Variants in TMEM132D observed in about 807,000 individuals in gnomAD.
TMEM132D encodes the protein mature OL transmembrane protein.
In TMEM132D, 21 loss-of-function variants were observed where a neutral mutation model predicts 62.3. The ratio of observed to expected loss-of-function variants is 0.34; its 90% CI spans 0.24 to 0.49. The LOEUF is 0.49. Among genes scored for constraint, TMEM132D ranks in the 20% least tolerant of loss-of-function variants. The pLI, the probability that TMEM132D is intolerant of heterozygous loss-of-function variation, is 0.99. For missense variants in TMEM132D, 1,346 were observed against 1,402.8 expected (o/e 0.96, Z 0.65); for synonymous variants, 621 against 575.6 (o/e 1.08, Z -1.13).
In TMEM132D at chr12:129,084,671, T is replaced by C. The variant is rs1254791418; in HGVS notation, c.1475A>G (p.Asn492Ser). ...GACCTTGCCTTTCATTTCTTTCCCA[T>C]TGACAAAGACGTAGTCACATCTGTC... ...VSDRCDYVFV[N>S]GKEMKGKVNV... Residue 492 changes from asparagine (N) to serine (S), a missense_variant, in exon 6 of 9, where the codon AAT (asparagine) becomes AGT (serine). Transcript: ENST00000422113. 10 of 1,613,838 alleles carry C rather than the reference T, an allele frequency of 6.2e-6. No homozygotes were observed. Among genetic ancestry groups the C allele is most frequent in the Admixed American group, 1.7e-5 (1 of 59,972 alleles).
chr12:129,847,203 G>A (rs1465872544), intron 1 of TMEM132D, among the ~76,000 whole-genome samples: 1 of 152,170 alleles, frequency 6.6e-6, no homozygotes, highest in Admixed American at 6.5e-5. Context: ...CTGCAACCAA[G>A]AGCCTGGATG....
chr12:129,748,381 T>C (rs1869886891), intron 1 of TMEM132D, among the ~76,000 whole-genome samples: 1 of 152,022 alleles, frequency 6.6e-6, no homozygotes, highest in African/African-American at 2.4e-5. Flanking sequence ...GGTTTTTCAT[T>C]GTGGTGGTAA....
chr12:129,248,805 T>C (rs1302861532), intron 4 of TMEM132D, among the ~76,000 whole-genome samples: 2 of 152,230 alleles, frequency 1.3e-5, no homozygotes, highest in Non-Finnish European at 2.9e-5. Flanking sequence ...TTTGCTTTTC[T>C]GTTTCCACAA....
At chr12:129,319,480 C>G (rs1868609927) in intron 4 of TMEM132D, among the ~76,000 whole-genome samples, 1 of 152,160 alleles carries the variant, frequency 6.6e-6, no homozygotes, top group Non-Finnish European at 1.5e-5. Context: ...CAGGAGCAGT[C>G]CGCTTCCTTC....
intron 2 of TMEM132D, among the ~76,000 whole-genome samples, chr12:129,617,138 T>C (rs1878941042): frequency 6.6e-6 from 1 of 152,238 alleles, no homozygotes; most frequent in Non-Finnish European, 1.5e-5. Flanking sequence ...AAGAATTTTC[T>C]GAATCCCATG....
chr12:129,760,017 G>T (rs548274479), intron 1 of TMEM132D, among the ~76,000 whole-genome samples: 3 of 151,866 alleles, frequency 2.0e-5, no homozygotes, highest in Non-Finnish European at 4.4e-5. Flanking sequence ...GCAATCCTCT[G>T]CCTCAGCCTC....
At chr12:129,895,255 C>T (rs1238391788) in intron 1 of TMEM132D, among the ~76,000 whole-genome samples, 1 of 152,228 alleles carries the variant, frequency 6.6e-6, no homozygotes, top group African/African-American at 2.4e-5. Flanking sequence ...TCAGTAAGCA[C>T]CGAATACAGA....
intron 5 of TMEM132D, among the ~76,000 whole-genome samples, chr12:129,134,825 G>T (rs960903847): frequency 3.3e-5 from 5 of 152,092 alleles, no homozygotes; most frequent in Admixed American, 6.6e-5. Flanking sequence ...TCCTAAAATA[G>T]ATCTCATCCC....
intron 2 of TMEM132D, among the ~76,000 whole-genome samples, chr12:129,598,235 A>T (rs551186250): frequency 3.3e-5 from 5 of 152,132 alleles, no homozygotes; most frequent in Non-Finnish European, 7.3e-5. Context: ...AATGCTCCTT[A>T]TTTTTTTATG....
In TMEM132D at chr12:129,099,806, ATTTTT is replaced by A. The variant is rs63230961; in HGVS notation, c.1444-15109_1444-15105del. On this transcript the variant is annotated intron_variant, in intron 5 of 8. Transcript: ENST00000422113. ...TAAAAGTGGGAGCGAAACCCACTTT[ATTTTT>A]TTTTATTTTTTTTATTTTTATTTTT... 1.4e-5 allele frequency among the ~76,000 whole-genome samples: 2 copies of A among 141,316 alleles called. 1 individual carries two copies. The highest frequency in any genetic ancestry group is 6.3e-5 in the African/African-American group (2 of 31,622). 92.7% of individuals were successfully genotyped at this position (141,316 alleles called of 152,430 possible). A position where few individuals can be genotyped will look rare whatever the true frequency, so the allele number is the denominator to read the frequency against.
intron 3 of TMEM132D, among the ~76,000 whole-genome samples, chr12:129,396,527 G>A (rs576686749): frequency 3.9e-5 from 6 of 152,288 alleles, no homozygotes; most frequent in South Asian, 2.1e-4. Flanking sequence ...AAGACTCAAC[G>A]CTGCTGGGCC....
chr12:129,900,715 G>C (rs1277752184), intron 1 of TMEM132D, among the ~76,000 whole-genome samples: 1 of 152,092 alleles, frequency 6.6e-6, no homozygotes. Flanking sequence ...AAAGTTCACA[G>C]TAATGCATTA....
intron 3 of TMEM132D, among the ~76,000 whole-genome samples, chr12:129,517,518 A>G (rs1875717712): frequency 6.6e-6 from 1 of 152,176 alleles, no homozygotes; most frequent in African/African-American, 2.4e-5. Flanking sequence ...TGGGGAAGAC[A>G]TTAGCTGCCT....
chr12:129,641,514 A>C (rs2137175179), intron 2 of TMEM132D, among the ~76,000 whole-genome samples: 1 of 152,324 alleles, frequency 6.6e-6, no homozygotes, highest in South Asian at 2.1e-4. Context: ...GGTGCTACTA[A>C]CGCACATCCG....
chr12:129,511,818 A>G (rs1397951920), intron 3 of TMEM132D, among the ~76,000 whole-genome samples: 1 of 152,146 alleles, frequency 6.6e-6, no homozygotes, highest in Non-Finnish European at 1.5e-5. Flanking sequence ...CACTTTTATC[A>G]CCTCATTTTA....
chr12:129,363,882 C>T (rs1321880617), intron 3 of TMEM132D, among the ~76,000 whole-genome samples: 1 of 152,122 alleles, frequency 6.6e-6, no homozygotes, highest in Non-Finnish European at 1.5e-5. Flanking sequence ...GAGGGATTTA[C>T]TAAAATCTCA....
chr12:129,267,753 C>T (rs1412452572), intron 4 of TMEM132D, among the ~76,000 whole-genome samples: 3 of 152,056 alleles, frequency 2.0e-5, no homozygotes, highest in Non-Finnish European at 4.4e-5. Flanking sequence ...AGAACAAAGC[C>T]AGAGGCATCA....
intron 1 of TMEM132D, among the ~76,000 whole-genome samples, chr12:129,810,049 G>A (rs1441223211): frequency 6.6e-6 from 1 of 152,124 alleles, no homozygotes; most frequent in African/African-American, 2.4e-5. Context: ...GAAATCTCTA[G>A]CCAGCCAAAG....
chr12:129,115,992 T>C (rs1464905445), intron 5 of TMEM132D, among the ~76,000 whole-genome samples: 1 of 152,158 alleles, frequency 6.6e-6, no homozygotes, highest in Non-Finnish European at 1.5e-5. Context: ...CTCTTTTGTG[T>C]TTGGCTGAAT....
Sources: gnomAD v4.1 joint callset for allele counts (sites outside exome capture counted in the v4.1 genomes callset) on GRCh38, gnomAD v4.1.1 for gene constraint, MANE v1.5 for transcripts, NCBI Gene and HGNC (gene_info 2026-07-23, HGNC 2026-07-21) for gene names.